The following FOXN3 variants were observed in gnomAD, a reference collection of about 807,000 sequenced individuals.
FOXN3 encodes the protein forkhead box protein N3.
Under a neutral mutation model 38.4 loss-of-function variants are expected in FOXN3, and 7 were observed. The observed-to-expected ratio is 0.18, with a 90% confidence interval of 0.10 to 0.34. The LOEUF (loss-of-function observed/expected upper bound fraction) is 0.34, where lower values mean the gene tolerates loss of function less well. FOXN3 is among the 10% of genes least tolerant of loss of function. The probability of loss-of-function intolerance (pLI) is 1.00; values close to 1 mark genes in which losing one functional copy is unlikely to be tolerated. For missense variants in FOXN3, 456 were observed against 613.4 expected (o/e 0.74, Z 2.71); for synonymous variants, 230 against 242.2 (o/e 0.95, Z 0.47).
chr14:89,288,253 G>A (rs925936041), intron 3 of FOXN3, among the ~76,000 whole-genome samples: 45 of 152,208 alleles, frequency 3.0e-4, no homozygotes, highest in African/African-American at 1.1e-3. Flanking sequence ...CACTATAACT[G>A]AGTGTGTGGC....
At chr14:89,291,253 T>C (rs1005154024) in intron 3 of FOXN3, 12 of 437,262 alleles carry the variant, frequency 2.7e-5, no homozygotes, top group African/African-American at 2.5e-4. Context: ...TTTCTCTCTT[T>C]GAAGGTTTGG....
At position 89,220,231 on chromosome 14, in the gene FOXN3, A is replaced by G. The variant is rs919535140; in HGVS notation, c.746-39425T>C. Among the ~76,000 whole-genome samples the G allele has an allele frequency of 2.6e-5, 4 of 152,160 alleles. No homozygotes were observed. The East Asian group carries it at 7.7e-4, about 29-fold the overall frequency. On this transcript the variant is annotated intron_variant, in intron 4 of 5. Coordinates refer to ENST00000557258, the MANE Select transcript of FOXN3 (RefSeq NM_005197.4). The stretch of plus-strand genomic sequence containing the variant: ...ACCATGGAAAGTGGCAGAGCAGTTG[A>G]GGATGCAGGCTCTGGATTCAGGTGG...
chr14:89,425,579 G>A (rs1892010261), intron 1 of FOXN3, among the ~76,000 whole-genome samples: 1 of 150,356 alleles, frequency 6.7e-6, no homozygotes, highest in South Asian at 2.1e-4. Context: ...TGGCCACGCT[G>A]GTCTCGAACT....
chr14:89,226,699 T>G (rs758509240), intron 4 of FOXN3, among the ~76,000 whole-genome samples: 3 of 152,186 alleles, frequency 2.0e-5, no homozygotes, highest in Non-Finnish European at 2.9e-5. Context: ...TTATTTGGAA[T>G]CAGGTTGTTG....
At chr14:89,316,939 A>C (rs1260741913) in intron 3 of FOXN3, among the ~76,000 whole-genome samples, 2 of 152,200 alleles carry the variant, frequency 1.3e-5, no homozygotes, top group African/African-American at 4.8e-5. Flanking sequence ...TGCTGGGATT[A>C]CAGGAGTGAG....
At position 89,417,018 on chromosome 14, in the gene FOXN3, G is replaced by A. The variant is rs1891759082; in HGVS notation, c.-162C>T. 1 of 145,240 alleles carries A rather than the reference G, an allele frequency of 6.9e-6. No homozygotes were observed. The highest frequency in any genetic ancestry group is 2.5e-5 in the African/African-American group (1 of 40,518). The allele number at this position is 145,240 out of a possible 1,614,324, so 9.0% of individuals were successfully genotyped here. A position where few individuals can be genotyped will look rare whatever the true frequency, so the allele number is the denominator to read the frequency against. On this transcript the variant is annotated 5_prime_UTR_variant, in exon 1 of 6. Coordinates refer to ENST00000557258, the MANE Select transcript of FOXN3 (RefSeq NM_005197.4). ...CGGCGAGCCCGGGGCGGCGGGCGGCGGGGGGCGGCCGCGGGCGCGGGCGGC... is the reference window on the plus strand; with the variant it reads ...CGGCGAGCCCGGGGCGGCGGGCGGCAGGGGGCGGCCGCGGGCGCGGGCGGC...
At chr14:89,380,771 G>A (rs1046170858) in intron 2 of FOXN3, among the ~76,000 whole-genome samples, 1 of 152,210 alleles carries the variant, frequency 6.6e-6, no homozygotes, top group Non-Finnish European at 1.5e-5. Context: ...CACTACTGAA[G>A]ATGCTTCCCC....
At chr14:89,611,498 G>C (rs1041162228) in intron 1 of FOXN3, among the ~76,000 whole-genome samples, 2 of 152,172 alleles carry the variant, frequency 1.3e-5, no homozygotes, top group Non-Finnish European at 2.9e-5. Context: ...AAGTCAAAAG[G>C]TGAAGACAAA....
chr14:89,381,752 C>T (rs1043770620), intron 2 of FOXN3, among the ~76,000 whole-genome samples: 11 of 151,728 alleles, frequency 7.2e-5, no homozygotes, highest in Non-Finnish European at 8.8e-5. Flanking sequence ...CCCAGCTACT[C>T]AGGAGGCTGA....
chr14:89,315,506 T>C (rs1444190305), intron 3 of FOXN3, among the ~76,000 whole-genome samples: 2 of 152,078 alleles, frequency 1.3e-5, no homozygotes. Flanking sequence ...AGGCATGTCT[T>C]TGATTCTCCC....
chr14:89,449,461 C>G (rs1892572895), intron 1 of FOXN3, among the ~76,000 whole-genome samples: 1 of 152,154 alleles, frequency 6.6e-6, no homozygotes, highest in Non-Finnish European at 1.5e-5. Context: ...ATCTCCAAGC[C>G]CATGTTCACA....
At chr14:89,362,896 TG>T (rs1356200775) in intron 2 of FOXN3, among the ~76,000 whole-genome samples, 2 of 151,678 alleles carry the variant, frequency 1.3e-5, no homozygotes, top group African/African-American at 2.4e-5. Context: ...GGTGGATCGT[TG>T]GGCCTGATTT....
At chr14:89,205,817 G>T (rs2139825179) in intron 4 of FOXN3, among the ~76,000 whole-genome samples, 2 of 152,352 alleles carry the variant, frequency 1.3e-5, no homozygotes, top group East Asian at 3.9e-4. Context: ...GAGGTCAGGG[G>T]CCAAAAACGC....
chr14:89,205,183 T>C (rs1405876294), intron 4 of FOXN3, among the ~76,000 whole-genome samples: 2 of 151,890 alleles, frequency 1.3e-5, no homozygotes, highest in Non-Finnish European at 2.9e-5. Context: ...CCTTACTTTC[T>C]AGCCACATGG....
chr14:89,262,885 A>T (rs951777660), intron 4 of FOXN3, among the ~76,000 whole-genome samples: 1 of 152,340 alleles, frequency 6.6e-6, no homozygotes, highest in South Asian at 2.1e-4. Flanking sequence ...AGGCAACCTT[A>T]ATCATTTCAA....
At chr14:89,246,695 C>A (rs186731859) in intron 4 of FOXN3, among the ~76,000 whole-genome samples, 2 of 151,920 alleles carry the variant, frequency 1.3e-5, no homozygotes. Context: ...TCCGCCACCA[C>A]GCCTGGCTAA....
intron 1 of FOXN3, among the ~76,000 whole-genome samples, chr14:89,435,470 C>T (rs1892256992): frequency 6.6e-6 from 1 of 152,086 alleles, no homozygotes; most frequent in African/African-American, 2.4e-5. Flanking sequence ...AAGCATACTC[C>T]CTTAACTCAC....
rs535632018 is a variant in FOXN3, at chr14:89,501,049, C to T, written c.-14-88559G>A. ...AGACAGTGAAGGGCTCAGATTAATG[C>T]GCCCTCCACGGGATCGTGTCGCCTG... On this transcript the variant is annotated intron_variant, in intron 1 of 6. Coordinates refer to the FOXN3 transcript ENST00000345097. Among the ~76,000 whole-genome samples the T allele has an allele frequency of 7.9e-5, 12 of 152,286 alleles. No individual in the cohort carries two copies. The South Asian group carries it at 1.9e-3, about 24-fold the overall frequency.
intron 3 of FOXN3, among the ~76,000 whole-genome samples, chr14:89,309,457 A>G: frequency 6.6e-6 from 1 of 152,228 alleles, no homozygotes; most frequent in East Asian, 1.9e-4. Flanking sequence ...TTAAAAATTT[A>G]TAAACAAGAA....
Sources: gnomAD v4.1 joint callset for allele counts (sites outside exome capture counted in the v4.1 genomes callset) on GRCh38, gnomAD v4.1.1 for gene constraint, MANE v1.5 for transcripts, NCBI Gene and HGNC (gene_info 2026-07-23, HGNC 2026-07-21) for gene names.